Variants in PADI4 observed in about 807,000 individuals in gnomAD.
The protein encoded by PADI4 is protein-arginine deiminase type-4.
A neutral mutation model predicts 75.0 loss-of-function variants in PADI4; 62 were observed. The ratio of observed to expected loss-of-function variants is 0.83; its 90% CI spans 0.67 to 1.02. PADI4 has a LOEUF of 1.02. PADI4 is among the 50% of genes least tolerant of loss of function. The pLI is 0.00. For missense variants in PADI4, 845 were observed against 850.5 expected, an observed-to-expected ratio of 0.99 and a Z score of 0.08; for synonymous variants, 361 against 348.1, an observed-to-expected ratio of 1.04 and a Z score of -0.41.
At chr1:17,339,426 T>C (rs2074374597) in intron 5 of PADI4, among the ~76,000 whole-genome samples, 1 of 152,202 alleles carries the variant, frequency 6.6e-6, no homozygotes, top group Non-Finnish European at 1.5e-5. Flanking sequence ...TATTAATAAA[T>C]GTGGTCCCCG....
intron 15 of PADI4, among the ~76,000 whole-genome samples, chr1:17,359,775 C>T (rs2074823324): frequency 6.6e-6 from 1 of 152,190 alleles, no homozygotes; most frequent in African/African-American, 2.4e-5. Context: ...ACAGATGAAA[C>T]ATTCTTACCA....
At chr1:17,352,993 G>A (rs930455047) in intron 10 of PADI4, among the ~76,000 whole-genome samples, 1 of 152,222 alleles carries the variant, frequency 6.6e-6, no homozygotes, top group Non-Finnish European at 1.5e-5. Context: ...GAGAACACAG[G>A]TGTGACCGCC....
At chr1:17,317,364 G>A (rs1349452549) in intron 1 of PADI4, among the ~76,000 whole-genome samples, 1 of 152,076 alleles carries the variant, frequency 6.6e-6, no homozygotes, top group African/African-American at 2.4e-5. Flanking sequence ...CACCTCCCAG[G>A]TTCAAGCAAT....
intron 4 of PADI4, among the ~76,000 whole-genome samples, chr1:17,336,529 A>T (rs1557558154): frequency 6.6e-6 from 1 of 151,538 alleles, no homozygotes; most frequent in Non-Finnish European, 1.5e-5. Flanking sequence ...TGGCTCAAAA[A>T]CTCCCTACTC....
Position 17,308,255 on chromosome 1 carries a change from A to G in PADI4, c.33A>G (p.Pro11=), listed in dbSNP as rs1281308165. The G allele has an allele frequency of 1.9e-6, 3 of 1,614,170 alleles. No individual in the cohort carries two copies. The highest frequency in any genetic ancestry group is 2.5e-6 in the Non-Finnish European group (3 of 1,180,026). The change falls in exon 1 of 16, where the codon CCA becomes CCG. Residue 11 remains proline, a synonymous_variant. Transcript: ENST00000375448. MAQGTLIRVT[P]EQPTHAVCVL... ...AGGGGACATTGATCCGTGTGACCCC[A>G]GAGCAGCCCACCCATGCCGTGTGTG... is the stretch of plus-strand genomic sequence containing the variant.
chr1:17,329,224 G>A (rs887620850), intron 1 of PADI4, among the ~76,000 whole-genome samples: 2 of 151,334 alleles, frequency 1.3e-5, no homozygotes, highest in Admixed American at 1.3e-4. Flanking sequence ...TATACAGGAG[G>A]CTGAGGGAGG....
chr1:17,354,248 G>GA (rs767090532), intron 10 of PADI4, among the ~76,000 whole-genome samples: 10 of 151,726 alleles, frequency 6.6e-5, no homozygotes, highest in African/African-American at 2.4e-5. Flanking sequence ...GTCTTAAGGG[G>GA]AAAAAAAATG....
Position 17,336,166 on chromosome 1 carries a change from C to T in PADI4, c.348C>T (p.Ser116=). The T allele has an allele frequency of 1.2e-6, 2 of 1,612,332 alleles. No homozygotes were observed. The highest frequency in any genetic ancestry group is 8.5e-7 in the Non-Finnish European group (1 of 1,178,352). The stretch of plus-strand genomic sequence containing the variant: ...TACTTGATGGGATTTCAGAAATCTC[C>T]TTGTGCGCAGACATCACCCGCACCG... The part of the protein sequence containing the change: ...ALLYLTGVEI[S]LCADITRTGK... The change falls in exon 4 of 16, where the codon TCC becomes TCT. Residue 116 remains serine (S), a synonymous_variant. Coordinates refer to ENST00000375448, the MANE Select transcript of PADI4 (RefSeq NM_012387.3).
intron 1 of PADI4, among the ~76,000 whole-genome samples, chr1:17,316,634 G>A (rs1271508576): frequency 1.3e-5 from 2 of 151,570 alleles, no homozygotes; most frequent in African/African-American, 4.9e-5. Flanking sequence ...AGCTTGCAGT[G>A]AGCCAAGATC....
chr1:17,333,828 T>C, intron 2 of PADI4, 115 bp from the exon 3 acceptor site: 1 of 748,744 alleles, frequency 1.3e-6, no homozygotes, highest in Admixed American at 2.0e-5. Flanking sequence ...CTAGGACCAG[T>C]TCTTGCCCAA....
chr1:17,333,064 C>A, intron 2 of PADI4, among the ~76,000 whole-genome samples: 1 of 152,144 alleles, frequency 6.6e-6, no homozygotes, highest in Non-Finnish European at 1.5e-5. Flanking sequence ...TTTCTGCAAA[C>A]AACAGGAAGC....
intron 10 of PADI4, among the ~76,000 whole-genome samples, chr1:17,352,313 G>A (rs912156318): frequency 1.1e-4 from 16 of 152,042 alleles, no homozygotes; most frequent in Non-Finnish European, 1.8e-4. Flanking sequence ...CAGAGGTGAT[G>A]GGGAAGGGAC....
intron 1 of PADI4, among the ~76,000 whole-genome samples, chr1:17,328,530 CCT>C (rs2074152290): frequency 6.6e-6 from 1 of 151,902 alleles, no homozygotes; most frequent in African/African-American, 2.4e-5. Context: ...ACCTGTAGTC[CCT>C]GCTACTTGGG....
chr1:17,353,794 G>C (rs1006859461), intron 10 of PADI4, among the ~76,000 whole-genome samples: 1 of 152,140 alleles, frequency 6.6e-6, no homozygotes, highest in Non-Finnish European at 1.5e-5. Flanking sequence ...GTGGAAGAAG[G>C]GGCTGCCAGC....
Position 17,308,306 on chromosome 1 carries a change from CA to C in PADI4, c.85del (p.Ile29SerfsTer46). On this transcript the variant is annotated frameshift_variant, in exon 1 of 16. Transcript: ENST00000375448. LOFTEE classifies it high-confidence loss of function. Reference protein sequence around the residue: ...CVLGTLTQLDICSSAPEDCTS... With the variant: ...CVLGTLTQLDXCSSAPEDCTS... ...TGCTGGGCACCTTGACTCAGCTTGA[CA>C]TCTGCAGGTAAGAGGGGGGCCTTCT... The C allele has an allele frequency of 6.2e-7, 1 of 1,613,686 alleles. No homozygotes were observed. Among genetic ancestry groups the C allele is most frequent in the Non-Finnish European group, 8.5e-7 (1 of 1,179,654 alleles).
chr1:17,348,123 C>T, intron 10 of PADI4, 75 bp downstream of exon 10: 1 of 928,988 alleles, frequency 1.1e-6, no homozygotes, highest in African/African-American at 1.6e-5. Context: ...TTTAGCCTGC[C>T]TTCCCCGCCC....
At chr1:17,321,031 G>A (rs950836772) in intron 1 of PADI4, among the ~76,000 whole-genome samples, 5 of 152,190 alleles carry the variant, frequency 3.3e-5, no homozygotes, top group African/African-American at 7.2e-5. Context: ...AGGTTTGGGG[G>A]ACTAGGGTGT....
chr1:17,328,866 C>T (rs932173657), intron 1 of PADI4, among the ~76,000 whole-genome samples: 2 of 151,816 alleles, frequency 1.3e-5, no homozygotes, highest in Admixed American at 6.6e-5. Context: ...TTCTTTGTTG[C>T]ACTTCAGACC....
At chr1:17,327,234 A>G (rs145309404) in intron 1 of PADI4, among the ~76,000 whole-genome samples, 170 of 152,198 alleles carry the variant, frequency 1.1e-3, no homozygotes, top group African/African-American at 3.8e-3. Flanking sequence ...CTCTTATTAG[A>G]TGCATACAAG....
Sources: gnomAD v4.1 joint callset for allele counts (sites outside exome capture counted in the v4.1 genomes callset) on GRCh38, gnomAD v4.1.1 for gene constraint, MANE v1.5 for transcripts, NCBI Gene and HGNC (gene_info 2026-07-23, HGNC 2026-07-21) for gene names.